The following SPIRE1 variants were observed in gnomAD, a reference collection of about 807,000 sequenced individuals.
SPIRE1 encodes the protein protein spire homolog 1.
In SPIRE1, 40 loss-of-function variants were observed where a neutral mutation model predicts 94.1. The ratio of observed to expected loss-of-function variants is 0.43; its 90% confidence interval spans 0.33 to 0.55. SPIRE1 has a LOEUF of 0.55. Among genes scored for constraint, SPIRE1 ranks in the 20% least tolerant of loss-of-function variants. SPIRE1 has a pLI of 0.06. For synonymous variants in SPIRE1, 376 were observed against 371.7 expected, an observed-to-expected ratio of 1.01 and a Z score of -0.13; for missense variants, 838 against 975.2, an observed-to-expected ratio of 0.86 and a Z score of 1.87.
chr18:12,477,581 T>C (rs1430095377), intron 10 of SPIRE1, among the ~76,000 whole-genome samples: 2 of 152,212 alleles, frequency 1.3e-5, no homozygotes, highest in African/African-American at 4.8e-5. Flanking sequence ...ACATGTACTC[T>C]GGTGGGACAG....
chr18:12,524,981 GA>G (rs1008022817), intron 4 of SPIRE1, among the ~76,000 whole-genome samples: 30 of 139,464 alleles, frequency 2.2e-4, no homozygotes, highest in South Asian at 2.3e-4. Flanking sequence ...CTAGGAAGAA[GA>G]AAAAAAAAAA....
At chr18:12,480,504 A>G (rs2032798802) in intron 9 of SPIRE1, among the ~76,000 whole-genome samples, 1 of 152,216 alleles carries the variant, frequency 6.6e-6, no homozygotes, top group African/African-American at 2.4e-5. Context: ...CATCTGTAAA[A>G]TGAGGATACT....
intron 4 of SPIRE1, among the ~76,000 whole-genome samples, chr18:12,514,110 G>T (rs1309736183): frequency 6.6e-6 from 1 of 152,172 alleles, no homozygotes; most frequent in Non-Finnish European, 1.5e-5. Context: ...AAACGGCTGG[G>T]ATTATAGCCT....
intron 1 of SPIRE1, among the ~76,000 whole-genome samples, chr18:12,644,622 T>A (rs1287440216): frequency 6.6e-6 from 1 of 152,194 alleles, no homozygotes; most frequent in Non-Finnish European, 1.5e-5. Flanking sequence ...CCCTCCATAG[T>A]CCATTCTAAA....
At chr18:12,565,405 C>T (rs989149052) in intron 2 of SPIRE1, among the ~76,000 whole-genome samples, 5 of 152,046 alleles carry the variant, frequency 3.3e-5, no homozygotes, top group Admixed American at 1.3e-4. Context: ...GAAGGAGCCT[C>T]GCTCTGTCGC....
rs760715006 is a variant in SPIRE1, at chr18:12,479,917, T to A, written c.1232-46A>T. On this transcript the variant is annotated intron_variant, in intron 9 of 16. Transcript: ENST00000409402. Reference sequence around the variant, plus strand: ...TACCTTTTCTTGAGCCAAGAAAGGTTATCTGTGTTGGAAGCATACCAGGTA... The same window carrying A: ...TACCTTTTCTTGAGCCAAGAAAGGTAATCTGTGTTGGAAGCATACCAGGTA... The A allele has an allele frequency of 7.6e-6, 12 of 1,573,762 alleles. No homozygotes were observed. In the South Asian group the frequency reaches 1.4e-4, roughly 18 times the overall value.
chr18:12,613,993 A>G (rs1598532006), intron 2 of SPIRE1, among the ~76,000 whole-genome samples: 2 of 150,382 alleles, frequency 1.3e-5, no homozygotes, highest in Non-Finnish European at 3.0e-5. Context: ...GCACGGTGGC[A>G]CACACACTGC....
In SPIRE1 at chr18:12,498,029, C is replaced by T. The variant is rs557918599; in HGVS notation, c.973-1927G>A. Among the ~76,000 whole-genome samples, 251 of 152,274 alleles carry T rather than the reference C, an allele frequency of 1.6e-3. 1 individual carries two copies. Among genetic ancestry groups the T allele is most frequent in the Non-Finnish European group, 2.5e-3 (171 of 68,016 alleles). On this transcript the variant is annotated intron_variant, in intron 6 of 16. Coordinates refer to ENST00000409402, the MANE Select transcript of SPIRE1 (RefSeq NM_001128626.2). ...AGGCCATTATGGACCTAAGTCAGTA[C>T]GGGTGGAGGAAGCTCCCTTATCCAA...
At chr18:12,575,388 C>G (rs1195426627) in intron 2 of SPIRE1, among the ~76,000 whole-genome samples, 1 of 151,984 alleles carries the variant, frequency 6.6e-6, no homozygotes, top group Non-Finnish European at 1.5e-5. Context: ...TATTTAGACA[C>G]AGGATCTCAG....
intron 1 of SPIRE1, among the ~76,000 whole-genome samples, chr18:12,647,707 T>C (rs1863174878): frequency 6.6e-6 from 1 of 152,140 alleles, no homozygotes; most frequent in South Asian, 2.1e-4. Flanking sequence ...AGAGCTATGA[T>C]CACATCACTG....
At chr18:12,626,473 T>C (rs1301863697) in intron 2 of SPIRE1, among the ~76,000 whole-genome samples, 3 of 152,214 alleles carry the variant, frequency 2.0e-5, no homozygotes, top group Non-Finnish European at 2.9e-5. Flanking sequence ...TGAAGGTTCA[T>C]GGACTGCGTT....
chr18:12,462,620 C>A (rs2031912454), intron 12 of SPIRE1, among the ~76,000 whole-genome samples: 1 of 152,094 alleles, frequency 6.6e-6, no homozygotes. Flanking sequence ...ACACCACTGG[C>A]CCCAAATATC....
At chr18:12,482,308 A>G (rs556489771) in intron 9 of SPIRE1, among the ~76,000 whole-genome samples, 2 of 151,926 alleles carry the variant, frequency 1.3e-5, no homozygotes, top group African/African-American at 4.8e-5. Flanking sequence ...ACGCCCAGCT[A>G]ATTTTTTTGT....
rs527886784 is a variant in SPIRE1, at chr18:12,557,210, G to A, written c.373-10306C>T. Reference sequence around the variant, plus strand: ...CGCGGAGCAGGGGGTGGCGCCCGTCGGGGAGGCTTGGGCCTCATGGGAGAC... The same window carrying A: ...CGCGGAGCAGGGGGTGGCGCCCGTCAGGGAGGCTTGGGCCTCATGGGAGAC... On this transcript the variant is annotated intron_variant, in intron 2 of 16. Transcript: ENST00000409402. Among the ~76,000 whole-genome samples, 40 of 152,308 alleles carry A rather than the reference G, an allele frequency of 2.6e-4. 1 individual carries two copies. Among genetic ancestry groups the A allele is most frequent in the South Asian group, 4.1e-4 (2 of 4,826 alleles).
At chr18:12,486,526 C>T (rs2033048579) in intron 8 of SPIRE1, among the ~76,000 whole-genome samples, 1 of 152,088 alleles carries the variant, frequency 6.6e-6, no homozygotes. Context: ...CTATTGTAGG[C>T]CATATAACCT....
intron 2 of SPIRE1, among the ~76,000 whole-genome samples, chr18:12,576,784 G>A (rs946756510): frequency 6.6e-6 from 1 of 150,842 alleles, no homozygotes; most frequent in Non-Finnish European, 1.5e-5. Context: ...AGCTACTTGG[G>A]AGGTTGAGGC....
At chr18:12,646,736 A>G (rs1054667062) in intron 1 of SPIRE1, among the ~76,000 whole-genome samples, 15 of 152,154 alleles carry the variant, frequency 9.9e-5, no homozygotes, top group African/African-American at 3.6e-4. Context: ...GAAAAAGACC[A>G]CAGACTTAAT....
chr18:12,549,757 C>T (rs2035295492), intron 2 of SPIRE1, among the ~76,000 whole-genome samples: 1 of 151,910 alleles, frequency 6.6e-6, no homozygotes, highest in Non-Finnish European at 1.5e-5. Context: ...TCAACCCTAT[C>T]CTTCTTCCTA....
chr18:12,552,523 G>C (rs1217265980), intron 2 of SPIRE1, among the ~76,000 whole-genome samples: 1 of 152,044 alleles, frequency 6.6e-6, no homozygotes, highest in Non-Finnish European at 1.5e-5. Flanking sequence ...CCTCCAAAGA[G>C]AGAAGTAAAA....
Sources: gnomAD v4.1 joint callset for allele counts (sites outside exome capture counted in the v4.1 genomes callset) on GRCh38, gnomAD v4.1.1 for gene constraint, MANE v1.5 for transcripts, NCBI Gene and HGNC (gene_info 2026-07-23, HGNC 2026-07-21) for gene names.